The following RIPOR2 variants were observed in gnomAD, a reference collection of about 807,000 sequenced individuals.
The protein encoded by RIPOR2 is rho family-interacting cell polarization regulator 2.
Under a neutral mutation model 114.5 loss-of-function variants are expected in RIPOR2, and 39 were observed. The observed-to-expected ratio is 0.34, with a 90% CI of 0.26 to 0.44. The LOEUF is 0.44. Ranked by LOEUF, RIPOR2 falls within the 20% of genes least tolerant of loss-of-function variation. The probability of loss-of-function intolerance (pLI) is 1.00; values close to 1 mark genes in which losing one functional copy is unlikely to be tolerated. For missense variants in RIPOR2, 1,007 were observed against 1,255.1 expected, an observed-to-expected ratio of 0.80 and a Z score of 2.99; for synonymous variants, 445 against 484.4, an observed-to-expected ratio of 0.92 and a Z score of 1.07.
chr6:25,013,225 A>G (rs759627418), intron 1 of RIPOR2, among the ~76,000 whole-genome samples: 14 of 152,174 alleles, frequency 9.2e-5, no homozygotes, highest in Non-Finnish European at 1.9e-4. Context: ...AAGAAGCTCT[A>G]ACGTTTGATT....
Position 24,976,908 on chromosome 6 carries a change from T to C in RIPOR2, c.76+64943A>G, listed in dbSNP as rs538788197. ...GAAGGCATGAATATTGTGGAGGCCA[T>C]GGAGCGCTTTGGGTCCAGGAATGGC... On this transcript the variant is annotated intron_variant, in intron 1 of 13. Transcript: ENST00000510784. 3.6e-5 allele frequency: 58 copies of C among 1,601,734 alleles called. No homozygotes were observed. In the East Asian group the frequency reaches 1.2e-3, roughly 33 times the overall value.
chr6:25,014,438 A>T (rs1440059793), intron 1 of RIPOR2, among the ~76,000 whole-genome samples: 2 of 152,220 alleles, frequency 1.3e-5, no homozygotes, highest in Non-Finnish European at 2.9e-5. Flanking sequence ...TGACTTCATG[A>T]GCTACCTTAT....
At chr6:24,913,134 C>T (rs948815915) in intron 1 of RIPOR2, among the ~76,000 whole-genome samples, 3 of 146,854 alleles carry the variant, frequency 2.0e-5, no homozygotes, top group Non-Finnish European at 3.0e-5. Flanking sequence ...TTGGGCATGA[C>T]TGTGGGCATG....
chr6:24,998,926 T>C (rs1775169796), intron 1 of RIPOR2, among the ~76,000 whole-genome samples: 2 of 152,160 alleles, frequency 1.3e-5, no homozygotes, highest in South Asian at 4.1e-4. Flanking sequence ...CCACAAACTA[T>C]AGGAACATTT....
intron 6 of RIPOR2, among the ~76,000 whole-genome samples, 191 bp downstream of exon 6, chr6:24,868,903 T>G (rs1443899030): frequency 6.6e-6 from 1 of 152,256 alleles, no homozygotes; most frequent in East Asian, 1.9e-4. Context: ...AAAACTGTGC[T>G]GGGCCATCAG....
intron 1 of RIPOR2, among the ~76,000 whole-genome samples, chr6:24,922,123 G>A (rs193106974): frequency 4.6e-5 from 7 of 152,114 alleles, no homozygotes; most frequent in East Asian, 1.9e-4. Context: ...GAGCCACCAC[G>A]CCTGGCTGAT....
intron 1 of RIPOR2, among the ~76,000 whole-genome samples, chr6:24,924,238 C>T (rs1303805916): frequency 6.6e-6 from 1 of 152,156 alleles, no homozygotes; most frequent in Non-Finnish European, 1.5e-5. Flanking sequence ...CACCATCACT[C>T]CTTGGTAAAT....
chr6:24,979,421 T>A (rs1029752725), intron 1 of RIPOR2, among the ~76,000 whole-genome samples: 5 of 151,048 alleles, frequency 3.3e-5, no homozygotes, highest in African/African-American at 1.2e-4. Flanking sequence ...CCAGTCCACA[T>A]CAGAAATGTG....
At chr6:24,928,102 A>C (rs923682615) in intron 1 of RIPOR2, among the ~76,000 whole-genome samples, 1 of 152,194 alleles carries the variant, frequency 6.6e-6, no homozygotes, top group African/African-American at 2.4e-5. Context: ...TAAGATTAAA[A>C]ATTTTAATTG....
At chr6:24,826,970 G>T (rs1760243522) in intron 18 of RIPOR2, among the ~76,000 whole-genome samples, 1 of 151,670 alleles carries the variant, frequency 6.6e-6, no homozygotes, top group South Asian at 2.1e-4. Flanking sequence ...AAATGTTAAA[G>T]GTTTTTTTCA....
chr6:25,029,406 A>C (rs1776794360), intron 1 of RIPOR2, among the ~76,000 whole-genome samples: 1 of 145,958 alleles, frequency 6.9e-6, no homozygotes, highest in South Asian at 2.2e-4. Context: ...CTCCGTCTCA[A>C]AAAAGAAAAA....
chr6:24,963,433 A>G (rs1312867253), intron 1 of RIPOR2, among the ~76,000 whole-genome samples: 2 of 152,232 alleles, frequency 1.3e-5, no homozygotes, highest in African/African-American at 2.4e-5. Flanking sequence ...TCTTTTTATA[A>G]AAATGTTGAC....
At chr6:24,861,624 A>T (rs1248264303) in intron 7 of RIPOR2, among the ~76,000 whole-genome samples, 1 of 152,230 alleles carries the variant, frequency 6.6e-6, no homozygotes, top group Non-Finnish European at 1.5e-5. Context: ...CCATTGTATT[A>T]CATATTTCTG....
At chr6:24,862,790 C>T (rs1464328194) in intron 7 of RIPOR2, among the ~76,000 whole-genome samples, 2 of 117,108 alleles carry the variant, frequency 1.7e-5, no homozygotes, top group Admixed American at 8.3e-5. Flanking sequence ...AATTTTCCTC[C>T]CCCGACCACT....
At chr6:24,914,192 C>T (rs754898546) in intron 1 of RIPOR2, among the ~76,000 whole-genome samples, 6 of 152,016 alleles carry the variant, frequency 3.9e-5, no homozygotes, top group African/African-American at 9.7e-5. Context: ...AAAAATTAGC[C>T]GGGCGTGGTG....
intron 1 of RIPOR2, among the ~76,000 whole-genome samples, chr6:25,023,045 C>T (rs967662255): frequency 6.6e-6 from 1 of 151,930 alleles, no homozygotes; most frequent in Non-Finnish European, 1.5e-5. Context: ...AATAGCTACC[C>T]ACCACAGCTG....
intron 1 of RIPOR2, among the ~76,000 whole-genome samples, chr6:24,941,780 T>C (rs1772146351): frequency 6.6e-6 from 1 of 152,162 alleles, no homozygotes; most frequent in Admixed American, 6.5e-5. Flanking sequence ...GGCCCTACCA[T>C]TGACTTTAAA....
chr6:25,023,317 G>A (rs1776422434), intron 1 of RIPOR2: 1 of 785,814 alleles, frequency 1.3e-6, no homozygotes, highest in Non-Finnish European at 2.3e-6. Context: ...AATTGATGTT[G>A]ATGAACCCGG....
chr6:24,806,420 C>G lies in RIPOR2; in HGVS notation c.3097G>C (p.Val1033Leu), dbSNP rs765293470. Residue 1033 changes from valine (V) to leucine (L), a missense_variant, in exon 22 of 22, where the codon GTT becomes CTT. Val to Leu is a conservative substitution (Grantham distance 32). Transcript: ENST00000643898. Reference protein sequence around the residue: ...EQLDKFPRDCVKVGGRHGTEV... With the variant: ...EQLDKFPRDCLKVGGRHGTEV... ...GTTCCATGACGACCTCCGACTTTAA[C>G]ACAGTCTCGAGGAAATTTGTCCAAT... The G allele has an allele frequency of 6.4e-7, 1 of 1,551,840 alleles. No homozygotes were observed. Among genetic ancestry groups the G allele is most frequent in the South Asian group, 1.2e-5 (1 of 84,034 alleles).
Sources: gnomAD v4.1 joint callset for allele counts (sites outside exome capture counted in the v4.1 genomes callset) on GRCh38, gnomAD v4.1.1 for gene constraint, MANE v1.5 for transcripts, NCBI Gene and HGNC (gene_info 2026-07-23, HGNC 2026-07-21) for gene names.